Variants in RNFT2 observed in about 807,000 individuals in gnomAD.
The protein encoded by RNFT2 is ring finger protein, transmembrane 2.
RNFT2 carries 36 observed loss-of-function variants against 53.0 expected under a neutral mutation model. The observed-to-expected ratio is 0.68, with a 90% CI of 0.52 to 0.90. The LOEUF (loss-of-function observed/expected upper bound fraction) is 0.90, where lower values mean the gene tolerates loss of function less well. RNFT2 is among the 40% of genes least tolerant of loss of function. RNFT2 has a pLI of 0.00. For missense variants in RNFT2, 514 were observed against 585.6 expected (o/e 0.88, Z 1.26); for synonymous variants, 260 against 253.2 (o/e 1.03, Z -0.26).
At chr12:116,765,531 T>C (rs1872870598) in intron 5 of RNFT2, among the ~76,000 whole-genome samples, 1 of 152,024 alleles carries the variant, frequency 6.6e-6, no homozygotes, top group African/African-American at 2.4e-5. Flanking sequence ...ATGCAGCCAC[T>C]CCAGTCTGAA....
chr12:116,754,577 C>T (rs1872411574), intron 5 of RNFT2, among the ~76,000 whole-genome samples: 1 of 152,090 alleles, frequency 6.6e-6, no homozygotes, highest in Admixed American at 6.5e-5. Context: ...TTTTTCATAG[C>T]GGTTGTACTA....
intron 6 of RNFT2, among the ~76,000 whole-genome samples, chr12:116,770,649 C>T (rs1455738202): frequency 6.6e-6 from 1 of 152,046 alleles, no homozygotes; most frequent in Non-Finnish European, 1.5e-5. Flanking sequence ...CCTTGACCTC[C>T]CAGCCTCAAG....
chr12:116,772,202 C>T (rs1873234487), intron 6 of RNFT2, among the ~76,000 whole-genome samples: 2 of 152,236 alleles, frequency 1.3e-5, no homozygotes, highest in African/African-American at 4.8e-5. Flanking sequence ...AGCGATCCTC[C>T]CACCTCAGCC....
chr12:116,829,937 G>A (rs1876552622), intron 7 of RNFT2, among the ~76,000 whole-genome samples: 1 of 151,720 alleles, frequency 6.6e-6, no homozygotes, highest in Non-Finnish European at 1.5e-5. Context: ...TCTGGAGAGA[G>A]CATAAAAACA....
intron 7 of RNFT2, among the ~76,000 whole-genome samples, chr12:116,818,216 G>A (rs1875792267): frequency 6.6e-6 from 1 of 151,922 alleles, no homozygotes; most frequent in Non-Finnish European, 1.5e-5. Context: ...CCAGCTACTC[G>A]TGGGGCTGAG....
At chr12:116,788,442 T>C (rs1237060349) in intron 7 of RNFT2, among the ~76,000 whole-genome samples, 2 of 152,238 alleles carry the variant, frequency 1.3e-5, no homozygotes, top group Non-Finnish European at 2.9e-5. Context: ...TTCTCATGTC[T>C]TGATAACTCC....
At position 116,745,529 on chromosome 12, in the gene RNFT2, G is replaced by A. The variant is rs191187243; in HGVS notation, c.84-4312G>A. 3.5e-4 allele frequency among the ~76,000 whole-genome samples: 53 copies of A among 152,126 alleles called. No individual in the cohort carries two copies. In the East Asian group the frequency reaches 7.5e-3, roughly 22 times the overall value. ...GCCCACCTCAGCCTCCCAAAGTGCT[G>A]GGATTATAGGCATGAGCCACCATGC... On this transcript the variant is annotated intron_variant, in intron 3 of 10. Coordinates refer to ENST00000257575, the MANE Select transcript of RNFT2 (RefSeq NM_001382266.1).
At chr12:116,816,328 CCA>C (rs966981433) in intron 7 of RNFT2, among the ~76,000 whole-genome samples, 4 of 152,248 alleles carry the variant, frequency 2.6e-5, no homozygotes, top group African/African-American at 9.6e-5. Flanking sequence ...ATTGGGTACC[CCA>C]CTGCTGCTGT....
intron 7 of RNFT2, among the ~76,000 whole-genome samples, chr12:116,806,617 C>T (rs988368248): frequency 4.0e-5 from 6 of 151,482 alleles, no homozygotes; most frequent in Non-Finnish European, 8.8e-5. Flanking sequence ...CTGAGCACGG[C>T]GGTGCACACC....
chr12:116,785,249 CTGTG>C (rs56185708), intron 7 of RNFT2, among the ~76,000 whole-genome samples: 2,600 of 139,168 alleles, frequency 0.019, 67 homozygotes, highest in African/African-American at 0.066. Flanking sequence ...TTACCTACTT[CTGTG>C]TGTGTGTGTG....
chr12:116,743,874 A>C lies in RNFT2; in HGVS notation c.83+2780A>C, dbSNP rs79545559. On this transcript the variant is annotated intron_variant, in intron 3 of 10. Coordinates refer to ENST00000257575, the MANE Select transcript of RNFT2 (RefSeq NM_001382266.1). Reference sequence around the variant, plus strand: ...TTCCCACCTGTGGTGACTTTGATACATGACTTCACCCCTAGGTCTCAGCTT... The same window carrying C: ...TTCCCACCTGTGGTGACTTTGATACCTGACTTCACCCCTAGGTCTCAGCTT... 9.9e-3 allele frequency among the ~76,000 whole-genome samples: 1,510 copies of C among 152,202 alleles called. 19 individuals are homozygous for C. The highest frequency in any genetic ancestry group is 0.035 in the African/African-American group (1,453 of 41,538).
At chr12:116,823,025 A>G (rs1876130701) in intron 7 of RNFT2, among the ~76,000 whole-genome samples, 1 of 152,156 alleles carries the variant, frequency 6.6e-6, no homozygotes, top group African/African-American at 2.4e-5. Context: ...AGACAAAAGG[A>G]AAAATACAAC....
At chr12:116,746,232 G>T (rs1046065302) in intron 3 of RNFT2, among the ~76,000 whole-genome samples, 5 of 151,904 alleles carry the variant, frequency 3.3e-5, no homozygotes, top group African/African-American at 9.7e-5. Flanking sequence ...GGGAGACCCT[G>T]CTCAAAAAAA....
chr12:116,771,636 T>G (rs1024016084), intron 6 of RNFT2, among the ~76,000 whole-genome samples: 1 of 151,866 alleles, frequency 6.6e-6, no homozygotes, highest in Non-Finnish European at 1.5e-5. Flanking sequence ...CCCATCTGGG[T>G]TGAGCTGTGC....
intron 9 of RNFT2, 71 bp from the exon 10 acceptor site, chr12:116,836,110 C>G: frequency 6.3e-7 from 1 of 1,594,494 alleles, no homozygotes; most frequent in Admixed American, 1.7e-5. Flanking sequence ...GCCCACAGAT[C>G]TCACAGTGCT....
chr12:116,778,851 A>AAAAC (rs1252126461), intron 6 of RNFT2, among the ~76,000 whole-genome samples: 3 of 152,334 alleles, frequency 2.0e-5, no homozygotes, highest in South Asian at 2.1e-4. Flanking sequence ...CTCCATCTCA[A>AAAAC]AAACAAACAA....
intron 5 of RNFT2, among the ~76,000 whole-genome samples, chr12:116,762,654 A>T (rs1330706267): frequency 6.8e-6 from 1 of 148,138 alleles, no homozygotes; most frequent in Non-Finnish European, 1.5e-5. Flanking sequence ...ATCTCGGCTC[A>T]CTGCAACCTC....
At chr12:116,806,378 AAAAAT>A (rs201036467) in intron 7 of RNFT2, among the ~76,000 whole-genome samples, 1,915 of 132,494 alleles carry the variant, frequency 0.014, 20 homozygotes, top group African/African-American at 0.024. Flanking sequence ...AAAAAAAAAA[AAAAAT>A]ATATATATAT....
chr12:116,752,195 AAAG>A (rs1566070171), intron 4 of RNFT2, among the ~76,000 whole-genome samples: 1 of 24,322 alleles, frequency 4.1e-5, no homozygotes, highest in East Asian at 1.4e-3. Flanking sequence ...ACTGAAAAAA[AAAG>A]AGAGAGAGAG....
Sources: allele counts gnomAD v4.1 joint callset (sites outside exome capture counted in the v4.1 genomes callset), GRCh38; gene constraint gnomAD v4.1.1; transcripts MANE v1.5; gene names NCBI Gene and HGNC (gene_info 2026-07-23, HGNC 2026-07-21).